The following CD247 variants were observed in gnomAD, a reference collection of about 807,000 sequenced individuals.
The protein encoded by CD247 is CD247 molecule.
CD247 carries 13 observed loss-of-function variants against 30.0 expected under a neutral mutation model. The observed-to-expected ratio is 0.43, with a 90% CI of 0.28 to 0.69. The LOEUF (loss-of-function observed/expected upper bound fraction) is 0.69. CD247 is among the 30% of genes least tolerant of loss of function. The pLI is 0.16. For missense variants in CD247, 193 were observed against 212.6 expected (o/e 0.91, Z 0.57); for synonymous variants, 72 against 80.0 (o/e 0.90, Z 0.53).
intron 1 of CD247, among the ~76,000 whole-genome samples, chr1:167,515,025 C>T (rs997282976): frequency 6.6e-6 from 1 of 152,134 alleles, no homozygotes; most frequent in Non-Finnish European, 1.5e-5. Flanking sequence ...CTCCCCAGGA[C>T]CGTTTCTGGG....
chr1:167,475,267 A>G (rs978512703), intron 1 of CD247, among the ~76,000 whole-genome samples: 4 of 152,170 alleles, frequency 2.6e-5, no homozygotes, highest in Non-Finnish European at 4.4e-5. Flanking sequence ...CACAACATCA[A>G]CGATGATCAG....
At chr1:167,507,659 G>C (rs1437983935) in intron 1 of CD247, among the ~76,000 whole-genome samples, 1 of 151,992 alleles carries the variant, frequency 6.6e-6, no homozygotes, top group Non-Finnish European at 1.5e-5. Context: ...AACGTAGTGA[G>C]AACCTGTATC....
intron 1 of CD247, among the ~76,000 whole-genome samples, chr1:167,503,978 C>T (rs1208224452): frequency 6.6e-6 from 1 of 152,176 alleles, no homozygotes; most frequent in East Asian, 1.9e-4. Context: ...TTTGCTAATT[C>T]CCTTCTCCAT....
chr1:167,433,002 A>G (rs1417029399), intron 7 of CD247, 22 bp downstream of exon 7: 2 of 1,613,844 alleles, frequency 1.2e-6, no homozygotes, highest in Non-Finnish European at 1.7e-6. Flanking sequence ...CCTTCCACTG[A>G]AGGGACGCCG....
chr1:167,462,198 A>G (rs1436854674), intron 1 of CD247, among the ~76,000 whole-genome samples: 1 of 152,174 alleles, frequency 6.6e-6, no homozygotes, highest in Admixed American at 6.5e-5. Context: ...CATCCCACTC[A>G]GGGTTTAAGA....
intron 1 of CD247, among the ~76,000 whole-genome samples, chr1:167,484,204 T>C (rs1654101526): frequency 6.6e-6 from 1 of 152,142 alleles, no homozygotes; most frequent in Non-Finnish European, 1.5e-5. Flanking sequence ...TCTCTGGGGG[T>C]AATTTGGCCT....
intron 1 of CD247, among the ~76,000 whole-genome samples, chr1:167,451,117 G>C (rs1273164288): frequency 2.0e-5 from 3 of 151,752 alleles, no homozygotes; most frequent in African/African-American, 7.3e-5. Flanking sequence ...CAGTGTCTCT[G>C]AACTGCAAGC....
intron 2 of CD247, chr1:167,440,170 T>G (rs1651751079): frequency 5.1e-6 from 1 of 196,562 alleles, no homozygotes; most frequent in Non-Finnish European, 1.1e-5. Flanking sequence ...TTCTCCCCTT[T>G]ACTCCTAAAT....
At chr1:167,463,355 A>G (rs1211279564) in intron 1 of CD247, among the ~76,000 whole-genome samples, 1 of 152,174 alleles carries the variant, frequency 6.6e-6, no homozygotes, top group Non-Finnish European at 1.5e-5. Flanking sequence ...GATGCACCCA[A>G]TTAGCAGTGC....
intron 1 of CD247, among the ~76,000 whole-genome samples, chr1:167,509,356 C>T (rs1773545): frequency 0.42 from 56,501 of 134,716 alleles, 12,103 homozygotes; most frequent in East Asian, 0.63. Flanking sequence ...AAGAGCGAAG[C>T]GAAACTCTGT....
chr1:167,439,348 T>C lies in CD247; in HGVS notation c.215A>G (p.Tyr72Cys), dbSNP rs780188126. 8 of 1,613,880 alleles carry C rather than the reference T, an allele frequency of 5.0e-6. No individual in the cohort carries two copies. The highest frequency in any genetic ancestry group is 6.8e-6 in the Non-Finnish European group (8 of 1,179,856). ...TCTACGGCGAGGCTGACTTACGTTA[T>C]AGAGCTGGTTCTGGCCCTGCTGGTA... ...PAYQQGQNQL[Y>C]NELNLGRREE... Residue 72 changes from tyrosine (Y) to cysteine (C), a missense_variant, in exon 3 of 8, where the codon TAT becomes TGT. Transcript: ENST00000362089.
intron 1 of CD247, among the ~76,000 whole-genome samples, chr1:167,449,149 C>CTTTTTTCTTTTTCTT (rs1553229954): frequency 1.7e-3 from 111 of 66,414 alleles, no homozygotes; most frequent in African/African-American, 7.7e-3. Flanking sequence ...TTTTTCTTTT[C>CTTTTTTCTTTTTCTT]TTTTTTTTTT....
intron 1 of CD247, among the ~76,000 whole-genome samples, chr1:167,473,312 T>C (rs1653610738): frequency 6.6e-6 from 1 of 152,140 alleles, no homozygotes; most frequent in Non-Finnish European, 1.5e-5. Context: ...GCCATCTCCT[T>C]CTCTCTGGGC....
chr1:167,516,416 G>A (rs765694649), intron 1 of CD247, among the ~76,000 whole-genome samples: 1 of 152,250 alleles, frequency 6.6e-6, no homozygotes, highest in African/African-American at 2.4e-5. Flanking sequence ...CATTTCCAAA[G>A]AAATGCAAAT....
At chr1:167,506,229 TCTTTTCTTTTCTTTTC>T (rs1291058832) in intron 1 of CD247, among the ~76,000 whole-genome samples, 7 of 59,874 alleles carry the variant, frequency 1.2e-4, no homozygotes, top group East Asian at 5.5e-4. Flanking sequence ...TTTTTTCTTT[TCTTTTCTTTTCTTTTC>T]CTTTTCTTTT....
At chr1:167,492,873 T>C (rs548735189) in intron 1 of CD247, among the ~76,000 whole-genome samples, 24 of 152,154 alleles carry the variant, frequency 1.6e-4, no homozygotes, top group African/African-American at 4.6e-4. Flanking sequence ...TATCATGGCG[T>C]CTGCTAGGGG....
intron 1 of CD247, among the ~76,000 whole-genome samples, chr1:167,475,124 C>T (rs1052670000): frequency 6.6e-6 from 1 of 152,134 alleles, no homozygotes; most frequent in African/African-American, 2.4e-5. Flanking sequence ...ACTTATTGCT[C>T]ACCCTTGGAG....
intron 1 of CD247, among the ~76,000 whole-genome samples, chr1:167,488,671 G>A (rs1654314328): frequency 6.6e-6 from 1 of 152,208 alleles, no homozygotes; most frequent in South Asian, 2.1e-4. Context: ...GTACACAGAT[G>A]GGCCTAGGAG....
At chr1:167,483,129 C>T (rs957382143) in intron 1 of CD247, among the ~76,000 whole-genome samples, 2 of 152,010 alleles carry the variant, frequency 1.3e-5, no homozygotes, top group South Asian at 2.1e-4. Context: ...CTGCCTCAGC[C>T]TCCCGAGTAG....
Sources: gnomAD v4.1 joint callset for allele counts (sites outside exome capture counted in the v4.1 genomes callset) on GRCh38, gnomAD v4.1.1 for gene constraint, MANE v1.5 for transcripts, NCBI Gene and HGNC (gene_info 2026-07-23, HGNC 2026-07-21) for gene names.